The following EXOC6B variants were observed in gnomAD, a reference collection of about 807,000 sequenced individuals.
The protein encoded by EXOC6B is exocyst complex component 6B.
Under a neutral mutation model 113.5 loss-of-function variants are expected in EXOC6B, and 54 were observed. The observed-to-expected ratio is 0.48, with a 90% CI of 0.38 to 0.60. The LOEUF (loss-of-function observed/expected upper bound fraction) is 0.60. Among genes scored for constraint, EXOC6B ranks in the 20% least tolerant of loss-of-function variants. The probability of loss-of-function intolerance (pLI) is 0.00; values close to 1 mark genes in which losing one functional copy is unlikely to be tolerated. For missense variants in EXOC6B, 797 were observed against 977.5 expected, an observed-to-expected ratio of 0.82 and a Z score of 2.46; for synonymous variants, 357 against 339.0, an observed-to-expected ratio of 1.05 and a Z score of -0.58.
In EXOC6B at chr2:72,437,236, C is replaced by G. The variant is rs967679936; in HGVS notation, c.1980+27924G>C. Reference sequence around the variant, plus strand: ...GGTATCACCAGCAGAGGCTGCAGAACAGCAAAGACTGCTGCCTGCTCCTTC... The same window carrying G: ...GGTATCACCAGCAGAGGCTGCAGAAGAGCAAAGACTGCTGCCTGCTCCTTC... On this transcript the variant is annotated intron_variant, in intron 18 of 21. Transcript: ENST00000272427. Among the ~76,000 whole-genome samples the G allele has an allele frequency of 2.3e-4, 35 of 152,354 alleles. 1 individual carries two copies. The highest frequency in any genetic ancestry group is 7.0e-4 in the African/African-American group (29 of 41,590).
At chr2:72,636,606 G>A (rs76808066) in intron 6 of EXOC6B, among the ~76,000 whole-genome samples, 4,400 of 152,216 alleles carry the variant, frequency 0.029, 216 homozygotes, top group African/African-American at 0.099. Context: ...ATCAATTGAT[G>A]CAGAAAAAAA....
chr2:72,651,162 A>T (rs1384032453), intron 6 of EXOC6B, among the ~76,000 whole-genome samples: 1 of 152,218 alleles, frequency 6.6e-6, no homozygotes, highest in African/African-American at 2.4e-5. Context: ...TAATCTTTCA[A>T]CTACCCTTTG....
At chr2:72,534,973 G>T (rs1702199802) in intron 8 of EXOC6B, among the ~76,000 whole-genome samples, 1 of 152,054 alleles carries the variant, frequency 6.6e-6, no homozygotes, top group African/African-American at 2.4e-5. Flanking sequence ...TTAAGACTAA[G>T]TCACACTTCA....
intron 20 of EXOC6B, among the ~76,000 whole-genome samples, chr2:72,232,726 T>C (rs550969280): frequency 6.6e-6 from 1 of 152,234 alleles, no homozygotes; most frequent in Non-Finnish European, 1.5e-5. Flanking sequence ...ATTTCAAATT[T>C]GTAAGATACC....
intron 6 of EXOC6B, among the ~76,000 whole-genome samples, chr2:72,712,823 T>A (rs147433766): frequency 5.9e-5 from 9 of 152,144 alleles, no homozygotes; most frequent in African/African-American, 2.2e-4. Context: ...GTTTAACACA[T>A]GCAATTAAAG....
intron 1 of EXOC6B, among the ~76,000 whole-genome samples, chr2:72,754,423 G>A (rs530914676): frequency 1.5e-3 from 228 of 151,158 alleles, no homozygotes; most frequent in African/African-American, 5.4e-3. Flanking sequence ...GTAGAGATGA[G>A]GTCTTGCTAC....
At chr2:72,724,892 G>T (rs539704723) in intron 5 of EXOC6B, among the ~76,000 whole-genome samples, 17 of 152,196 alleles carry the variant, frequency 1.1e-4, no homozygotes, top group Middle Eastern at 6.8e-3. Context: ...GAGGGCTGAG[G>T]GGGTGGGGAG....
At chr2:72,546,421 G>A (rs1215271757) in intron 8 of EXOC6B, among the ~76,000 whole-genome samples, 7 of 152,128 alleles carry the variant, frequency 4.6e-5, no homozygotes, top group East Asian at 1.9e-4. Context: ...CAGCCTGGGC[G>A]ACAGAGCGAG....
intron 6 of EXOC6B, among the ~76,000 whole-genome samples, chr2:72,580,409 C>T (rs948511517): frequency 2.6e-5 from 4 of 152,068 alleles, no homozygotes; most frequent in Non-Finnish European, 5.9e-5. Flanking sequence ...TCCCAAAGTC[C>T]TGGGATTACA....
intron 6 of EXOC6B, among the ~76,000 whole-genome samples, chr2:72,676,860 T>C (rs1432357186): frequency 6.6e-6 from 1 of 152,076 alleles, no homozygotes; most frequent in Non-Finnish European, 1.5e-5. Flanking sequence ...TCTTTATACC[T>C]CCTAGGCAAC....
At chr2:72,818,816 C>G (rs1471246371) in intron 1 of EXOC6B, among the ~76,000 whole-genome samples, 1 of 152,148 alleles carries the variant, frequency 6.6e-6, no homozygotes, top group Non-Finnish European at 1.5e-5. Flanking sequence ...ACTTACTGTC[C>G]CCTTTGTATG....
At position 72,764,755 on chromosome 2, in the gene EXOC6B, G is replaced by C. The variant is rs140650642; in HGVS notation, c.114-23286C>G. On this transcript the variant is annotated intron_variant, in intron 1 of 21. Transcript: ENST00000272427. ...TAGAGTTGATAAACACATATATTTT[G>C]TTCTATAATCATAATTGTTTTTCAT... Among the ~76,000 whole-genome samples the C allele has an allele frequency of 2.6e-5, 4 of 152,034 alleles. No individual in the cohort carries two copies. In the South Asian group the frequency reaches 8.3e-4, roughly 32 times the overall value.
At chr2:72,504,469 T>C (rs1700496538) in intron 11 of EXOC6B, among the ~76,000 whole-genome samples, 1 of 152,250 alleles carries the variant, frequency 6.6e-6, no homozygotes, top group Non-Finnish European at 1.5e-5. Context: ...ATGAATGCTA[T>C]TGTATATAGC....
At chr2:72,457,561 T>C (rs1697318336) in intron 18 of EXOC6B, among the ~76,000 whole-genome samples, 1 of 152,132 alleles carries the variant, frequency 6.6e-6, no homozygotes, top group South Asian at 2.1e-4. Flanking sequence ...GGTCTGTTAC[T>C]TGAGACAGCA....
In EXOC6B at chr2:72,179,446, G is replaced by T; in HGVS notation, c.2325C>A (p.Ser775Arg). ...LTLLEKMKDT[S>R]RKNNMFAQFR... The stretch of plus-strand genomic sequence containing the variant: ...ACTGTGCAAACATGTTGTTCTTGCG[G>T]CTAGTATCCTTCATCCTAAACAGAG... Residue 775 changes from serine to arginine, a missense_variant, in exon 22 of 22, where the codon AGC becomes AGA. Physicochemically the swap from Ser to Arg is moderately radical, Grantham distance 110. Transcript: ENST00000272427. 6.2e-7 allele frequency: 1 copy of T among 1,613,882 alleles called. No individual in the cohort carries two copies. The highest frequency in any genetic ancestry group is 8.5e-7 in the Non-Finnish European group (1 of 1,179,878).
intron 18 of EXOC6B, among the ~76,000 whole-genome samples, chr2:72,408,645 G>A (rs1693956636): frequency 6.6e-6 from 1 of 152,138 alleles, no homozygotes; most frequent in Non-Finnish European, 1.5e-5. Context: ...AATGGTGCTG[G>A]GAAAACTGGC....
chr2:72,662,278 G>GTTC (rs1558893394), intron 6 of EXOC6B, among the ~76,000 whole-genome samples: 17 of 152,084 alleles, frequency 1.1e-4, no homozygotes, highest in Non-Finnish European at 2.5e-4. Context: ...AAGACAAAAA[G>GTTC]TTCTTAGACA....
At chr2:72,352,759 G>A (rs1480079218) in intron 19 of EXOC6B, among the ~76,000 whole-genome samples, 6 of 149,724 alleles carry the variant, frequency 4.0e-5, no homozygotes, top group African/African-American at 4.9e-5. Flanking sequence ...TGTGTAAGGC[G>A]TTATCTACAT....
intron 20 of EXOC6B, among the ~76,000 whole-genome samples, chr2:72,260,354 A>G (rs1281648426): frequency 1.3e-5 from 2 of 152,336 alleles, no homozygotes; most frequent in Admixed American, 6.5e-5. Context: ...ACCTACTTCT[A>G]AAAATCCATT....
Sources: gnomAD v4.1 joint callset for allele counts (sites outside exome capture counted in the v4.1 genomes callset) on GRCh38, gnomAD v4.1.1 for gene constraint, MANE v1.5 for transcripts, NCBI Gene and HGNC (gene_info 2026-07-23, HGNC 2026-07-21) for gene names.